EBF2: variants seen among roughly 807,000 people sequenced by gnomAD.
The protein encoded by EBF2 is transcription factor COE2.
EBF2 carries 21 observed loss-of-function variants against 72.8 expected under a neutral mutation model. That is an observed-to-expected ratio of 0.29 (90% CI 0.20 to 0.42). The LOEUF is 0.42. Ranked by LOEUF, EBF2 falls within the 10% of genes least tolerant of loss-of-function variation. EBF2 has a pLI of 1.00. For missense variants in EBF2, 637 were observed against 731.2 expected (o/e 0.87, Z 1.49); for synonymous variants, 299 against 274.2 (o/e 1.09, Z -0.89).
At chr8:25,867,512 T>A (rs1802355285) in intron 10 of EBF2, among the ~76,000 whole-genome samples, 1 of 152,196 alleles carries the variant, frequency 6.6e-6, no homozygotes, top group Non-Finnish European at 1.5e-5. Context: ...TCCTACCTCT[T>A]TGGCCATGTC....
chr8:26,023,628 C>T (rs566674655), intron 6 of EBF2, among the ~76,000 whole-genome samples: 42 of 152,286 alleles, frequency 2.8e-4, no homozygotes, highest in African/African-American at 9.9e-4. Flanking sequence ...TTTCTGCTTT[C>T]TCACAAACAT....
chr8:25,863,437 T>G (rs774066756), intron 10 of EBF2, among the ~76,000 whole-genome samples: 1 of 152,162 alleles, frequency 6.6e-6, no homozygotes, highest in Non-Finnish European at 1.5e-5. Flanking sequence ...TCAGTAATTA[T>G]AAAACGAGTG....
At chr8:25,954,579 A>T (rs1803913379) in intron 6 of EBF2, among the ~76,000 whole-genome samples, 1 of 152,188 alleles carries the variant, frequency 6.6e-6, no homozygotes, top group East Asian at 1.9e-4. Flanking sequence ...AGTGAAGGGA[A>T]TCAATGCGGA....
Position 25,849,895 on chromosome 8 carries a change from T to A in EBF2, c.1696+699A>T, listed in dbSNP as rs893830109. Among the ~76,000 whole-genome samples, 4 of 148,566 alleles carry A rather than the reference T, an allele frequency of 2.7e-5. No individual in the cohort carries two copies. The Admixed American group carries it at 3.1e-4, about 12-fold the overall frequency. On this transcript the variant is annotated intron_variant, in intron 15 of 15. Transcript: ENST00000520164. ...TTGCTCCTGCTGGCTCCTGTCCATG[T>A]ATGCCAAGAGGACATGATGGCAAGC... is the stretch of plus-strand genomic sequence containing the variant.
rs1001855163 is a variant in EBF2 at position 26,042,166 on chromosome 8, G to C, written c.217C>G (p.Leu73Val). Residue 73 changes from leucine to valine, a missense_variant, in exon 2 of 16, where the codon CTC becomes GTC. Leu to Val is a conservative substitution (Grantham distance 32). This residue lies in a region of EBF2 where 174 missense variants were observed against 161.9 expected (regional missense o/e 1.07). Coordinates refer to ENST00000520164, the MANE Select transcript of EBF2 (RefSeq NM_022659.4). ...ACCGGCTGGCCCTGCCTGTCATAGA[G>C]CGCCAGGACGAAGTGAAAGAAGTTG... Reference protein sequence around the residue: ...KSNFFHFVLALYDRQGQPVEI... With the variant: ...KSNFFHFVLAVYDRQGQPVEI... 5.0e-6 allele frequency: 8 copies of C among 1,614,072 alleles called. No homozygotes were observed. The Admixed American group carries it at 1.2e-4, about 24-fold the overall frequency.
At chr8:25,988,408 A>G (rs909915080) in intron 6 of EBF2, among the ~76,000 whole-genome samples, 7 of 152,348 alleles carry the variant, frequency 4.6e-5, no homozygotes, top group African/African-American at 1.7e-4. Context: ...AAGTCCATAT[A>G]CGCAAATATG....
At chr8:25,947,320 C>A (rs1585204818) in intron 6 of EBF2, among the ~76,000 whole-genome samples, 1 of 152,180 alleles carries the variant, frequency 6.6e-6, no homozygotes, top group Admixed American at 6.5e-5. Context: ...TAAGATGTGA[C>A]TTTGCTCCTC....
At chr8:26,040,206 T>C (rs1805575020) in intron 4 of EBF2, 105 bp from the exon 5 acceptor site, 4 of 1,217,742 alleles carry the variant, frequency 3.3e-6, no homozygotes, top group African/African-American at 3.0e-5. Flanking sequence ...TCCCACTACC[T>C]GCCACCGCAT....
intron 6 of EBF2, among the ~76,000 whole-genome samples, chr8:25,978,914 C>G (rs1804312694): frequency 6.6e-6 from 1 of 152,050 alleles, no homozygotes; most frequent in African/African-American, 2.4e-5. Flanking sequence ...GGGCGGGGGG[C>G]GGAGTGGTGC....
chr8:25,965,336 G>A (rs1384745494), intron 6 of EBF2, among the ~76,000 whole-genome samples: 3 of 152,114 alleles, frequency 2.0e-5, no homozygotes, highest in Admixed American at 6.6e-5. Flanking sequence ...CATTAAAAGC[G>A]CTCACTCACA....
At chr8:25,943,735 C>A (rs1202547151) in intron 6 of EBF2, among the ~76,000 whole-genome samples, 1 of 152,112 alleles carries the variant, frequency 6.6e-6, no homozygotes, top group Non-Finnish European at 1.5e-5. Flanking sequence ...GCCTTGACAA[C>A]CCCAGAAAAA....
intron 3 of EBF2, 64 bp downstream of exon 3, chr8:26,040,875 C>A (rs1805588109): frequency 1.2e-6 from 2 of 1,605,080 alleles, no homozygotes; most frequent in Non-Finnish European, 1.7e-6. Flanking sequence ...ATGGCAAGGT[C>A]AGCGCGTGCG....
chr8:25,894,868 G>A (rs530484110), intron 7 of EBF2, among the ~76,000 whole-genome samples: 35 of 152,228 alleles, frequency 2.3e-4, no homozygotes, highest in Non-Finnish European at 3.5e-4. Context: ...GGTGCCATTC[G>A]GAGGTGCCTG....
intron 6 of EBF2, among the ~76,000 whole-genome samples, chr8:25,929,643 C>CA (rs1370671869): frequency 6.6e-6 from 1 of 152,122 alleles, no homozygotes; most frequent in Non-Finnish European, 1.5e-5. Flanking sequence ...AGAGCACACA[C>CA]AAATGCTATC....
intron 6 of EBF2, among the ~76,000 whole-genome samples, chr8:25,908,879 A>C (rs1300123629): frequency 6.6e-6 from 1 of 152,180 alleles, no homozygotes; most frequent in East Asian, 1.9e-4. Context: ...CAAATGCAGC[A>C]GTGACCCCTG....
At chr8:25,973,204 A>C (rs903471477) in intron 6 of EBF2, among the ~76,000 whole-genome samples, 2 of 152,194 alleles carry the variant, frequency 1.3e-5, no homozygotes, top group African/African-American at 4.8e-5. Flanking sequence ...TCAGGTAAAT[A>C]TGAACTTGGG....
chr8:25,854,109 G>T (rs1267256518), intron 14 of EBF2, among the ~76,000 whole-genome samples: 1 of 151,886 alleles, frequency 6.6e-6, no homozygotes, highest in Non-Finnish European at 1.5e-5. Context: ...ATTTCTTTGG[G>T]AAGAAATAAT....
intron 6 of EBF2, among the ~76,000 whole-genome samples, chr8:25,990,821 G>T (rs1804530525): frequency 6.6e-6 from 1 of 152,202 alleles, no homozygotes. Context: ...CAGCTCTTCT[G>T]TGTATTCTTC....
chr8:26,043,100 T>A (rs1460386443), intron 1 of EBF2, among the ~76,000 whole-genome samples: 1 of 152,240 alleles, frequency 6.6e-6, no homozygotes, highest in Non-Finnish European at 1.5e-5. Context: ...ACCCAGTGAC[T>A]GTGAAACCCA....
Sources: allele counts gnomAD v4.1 joint callset (sites outside exome capture counted in the v4.1 genomes callset), GRCh38; gene constraint gnomAD v4.1.1; regional missense constraint gnomAD v4.1.1; transcripts MANE v1.5; gene names NCBI Gene and HGNC (gene_info 2026-07-23, HGNC 2026-07-21).